The following PPHLN1 variants were observed in gnomAD, a reference collection of about 807,000 sequenced individuals.
PPHLN1 encodes the protein periphilin 1.
In PPHLN1, 29 loss-of-function variants were observed where a neutral mutation model predicts 51.3. That is an observed-to-expected ratio of 0.57 (90% CI 0.42 to 0.77). The LOEUF (loss-of-function observed/expected upper bound fraction) is 0.77. PPHLN1 is among the 30% of genes least tolerant of loss of function. The pLI is 0.00. For missense variants in PPHLN1, 436 were observed against 438.4 expected, an observed-to-expected ratio of 0.99 and a Z score of 0.05; for synonymous variants, 147 against 147.8, an observed-to-expected ratio of 0.99 and a Z score of 0.04.
At chr12:42,438,755 C>T (rs1467331980) in intron 9 of PPHLN1, among the ~76,000 whole-genome samples, 2 of 152,124 alleles carry the variant, frequency 1.3e-5, no homozygotes, top group African/African-American at 4.8e-5. Context: ...GCATGCGTCA[C>T]CACGCCCGGC....
At chr12:42,412,057 T>G (rs574975417) in intron 9 of PPHLN1, among the ~76,000 whole-genome samples, 9 of 151,856 alleles carry the variant, frequency 5.9e-5, no homozygotes, top group Admixed American at 5.9e-4. Context: ...ATACAAAAAT[T>G]AGCTGGGCGT....
At chr12:42,446,610 A>G, downstream of PPHLN1, 1 of 1,613,486 alleles carries the variant, frequency 6.2e-7, no homozygotes, top group Non-Finnish European at 8.5e-7. Flanking sequence ...GCCAGAAAAC[A>G]AGCAGTAACT....
rs920596158 is a variant in PPHLN1, at chr12:42,388,590, C to T, written c.648+1055C>T. 1.2e-3 allele frequency among the ~76,000 whole-genome samples: 175 copies of T among 152,092 alleles called. 1 individual carries two copies. The highest frequency in any genetic ancestry group is 3.8e-3 in the African/African-American group (156 of 41,402). On this transcript the variant is annotated intron_variant, in intron 7 of 9. Coordinates refer to ENST00000358314, the MANE Select transcript of PPHLN1 (RefSeq NM_201439.2). Reference sequence around the variant, plus strand: ...TGCAGGTCCTTATTATGGTGAGCGTCGGTCCCCTGGGCCCACTTTTCTTTC... The same window carrying T: ...TGCAGGTCCTTATTATGGTGAGCGTTGGTCCCCTGGGCCCACTTTTCTTTC...
chr12:42,366,256 CTCA>C (rs1356221351), intron 4 of PPHLN1, among the ~76,000 whole-genome samples: 1 of 121,194 alleles, frequency 8.3e-6, no homozygotes, highest in African/African-American at 3.3e-5. Context: ...GAGACAGAGT[CTCA>C]CTCTGTCGCC....
chr12:42,338,687 G>T (rs906189790), intron 2 of PPHLN1, among the ~76,000 whole-genome samples: 1 of 152,172 alleles, frequency 6.6e-6, no homozygotes, highest in Admixed American at 6.5e-5. Context: ...GAAACTATTA[G>T]GATAGACTTT....
intron 2 of PPHLN1, among the ~76,000 whole-genome samples, chr12:42,349,686 T>G (rs1328033935): frequency 6.6e-6 from 1 of 151,948 alleles, no homozygotes; most frequent in Non-Finnish European, 1.5e-5. Context: ...TAACCCTGAG[T>G]TGACACAGCA....
intron 1 of PPHLN1, among the ~76,000 whole-genome samples, 165 bp from the exon 2 acceptor site, chr12:42,335,718 C>A (rs2070519381): frequency 7.1e-6 from 1 of 140,886 alleles, no homozygotes; most frequent in Non-Finnish European, 1.5e-5. Context: ...AAGAAAATCT[C>A]AAAATTGTTT....
intron 9 of PPHLN1, chr12:42,431,968 G>C: frequency 6.8e-7 from 1 of 1,474,408 alleles, no homozygotes; most frequent in South Asian, 1.1e-5. Context: ...GCTGGCATCA[G>C]TGTCTGCAGT....
At chr12:42,329,405 T>A (rs1260140327) in intron 1 of PPHLN1, among the ~76,000 whole-genome samples, 1 of 152,162 alleles carries the variant, frequency 6.6e-6, no homozygotes, top group Non-Finnish European at 1.5e-5. Flanking sequence ...GCGCCCGGCC[T>A]GGAATTTCAA....
chr12:42,437,670 T>C (rs999721787), intron 9 of PPHLN1, among the ~76,000 whole-genome samples: 5 of 152,204 alleles, frequency 3.3e-5, no homozygotes, highest in East Asian at 1.9e-4. Flanking sequence ...TGAACCAATA[T>C]TGATATATTA....
intron 9 of PPHLN1, among the ~76,000 whole-genome samples, chr12:42,413,305 T>G (rs1198083723): frequency 6.6e-6 from 1 of 152,188 alleles, no homozygotes; most frequent in Non-Finnish European, 1.5e-5. Flanking sequence ...AGGTGAGAGA[T>G]AGAGATCCGG....
downstream of PPHLN1, chr12:42,448,358 ATT>A (rs34304769): frequency 7.5e-3 from 987 of 131,520 alleles, 5 homozygotes; most frequent in South Asian, 0.041. Context: ...AATCTATTTG[ATT>A]TTTTTTTTTT....
chr12:42,414,160 G>A (rs908835912), intron 9 of PPHLN1, among the ~76,000 whole-genome samples: 1 of 151,808 alleles, frequency 6.6e-6, no homozygotes, highest in Non-Finnish European at 1.5e-5. Flanking sequence ...CCTGTCTCCC[G>A]AGTAGCTGGG....
chr12:42,332,174 C>T (rs1396098390), intron 1 of PPHLN1, among the ~76,000 whole-genome samples: 2 of 151,854 alleles, frequency 1.3e-5, no homozygotes, highest in Admixed American at 6.6e-5. Context: ...ACTGCATTCC[C>T]GCCTGGGCAA....
chr12:42,375,284 A>C (rs1266455134), intron 5 of PPHLN1: 10 of 363,406 alleles, frequency 2.8e-5, no homozygotes, highest in Non-Finnish European at 4.9e-5. Flanking sequence ...TCTGCATGAC[A>C]CTTACCTTTA....
intron 9 of PPHLN1, among the ~76,000 whole-genome samples, chr12:42,436,216 T>A (rs941636877): frequency 6.6e-6 from 1 of 152,242 alleles, no homozygotes; most frequent in Non-Finnish European, 1.5e-5. Flanking sequence ...TGATTCTTAA[T>A]TTTTCTGCGG....
chr12:42,350,120 ACCTCCCAGACGGGGC>A (rs1287578570), intron 2 of PPHLN1: 4 of 143,510 alleles, frequency 2.8e-5, no homozygotes, highest in East Asian at 4.2e-4. Flanking sequence ...GGCGCCCCCC[ACCTCCCAGACGGGGC>A]GGCTGCCGGG....
At chr12:42,420,426 C>A (rs1291949175) in intron 9 of PPHLN1, among the ~76,000 whole-genome samples, 1 of 150,322 alleles carries the variant, frequency 6.7e-6, no homozygotes, top group Non-Finnish European at 1.5e-5. Flanking sequence ...TGTTTTCTGG[C>A]AGAAATTGTA....
chr12:42,415,896 T>G (rs893302358), intron 9 of PPHLN1, among the ~76,000 whole-genome samples: 2 of 152,222 alleles, frequency 1.3e-5, no homozygotes, highest in Non-Finnish European at 2.9e-5. Flanking sequence ...CACTTCTTAT[T>G]TATTGCTTTC....
Sources: allele counts gnomAD v4.1 joint callset (sites outside exome capture counted in the v4.1 genomes callset), GRCh38; gene constraint gnomAD v4.1.1; transcripts MANE v1.5; gene names NCBI Gene and HGNC (gene_info 2026-07-23, HGNC 2026-07-21).